The following PRKAG2 variants were observed in gnomAD, a reference collection of about 807,000 sequenced individuals.
PRKAG2 encodes protein kinase AMP-activated non-catalytic subunit gamma 2.
In PRKAG2, 26 loss-of-function variants were observed where a neutral mutation model predicts 69.6. The ratio of observed to expected loss-of-function variants is 0.37; its 90% CI spans 0.27 to 0.52. The LOEUF is 0.52. Ranked by LOEUF, PRKAG2 falls within the 20% of genes least tolerant of loss-of-function variation. PRKAG2 has a pLI of 0.90. For missense variants in PRKAG2, 557 were observed against 740.0 expected (o/e 0.75, Z 2.87); for synonymous variants, 293 against 285.0 (o/e 1.03, Z -0.28).
chr7:151,776,093 T>C (rs4725431), intron 3 of PRKAG2, among the ~76,000 whole-genome samples: 29,204 of 152,140 alleles, frequency 0.19, 2,906 homozygotes, highest in Admixed American at 0.25. Context: ...TTATCAGCCA[T>C]AGGGCTCGGG....
chr7:151,643,784 T>C (rs895508450), intron 4 of PRKAG2, among the ~76,000 whole-genome samples: 46 of 152,256 alleles, frequency 3.0e-4, no homozygotes, highest in African/African-American at 1.0e-3. Flanking sequence ...TGATTTGTAG[T>C]GTCCCTTTTT....
intron 3 of PRKAG2, among the ~76,000 whole-genome samples, chr7:151,734,912 T>G (rs1014585912): frequency 1.4e-5 from 2 of 139,880 alleles, no homozygotes; most frequent in African/African-American, 5.5e-5. Context: ...TGAAGTGCAG[T>G]GGTGTGACCT....
chr7:151,654,117 CA>C (rs1407026973), intron 4 of PRKAG2, among the ~76,000 whole-genome samples: 11 of 152,110 alleles, frequency 7.2e-5, no homozygotes, highest in African/African-American at 2.7e-4. Flanking sequence ...TGTTTTTGGA[CA>C]GACAAACCCA....
At chr7:151,865,549 G>A (rs1445572505) in intron 1 of PRKAG2, among the ~76,000 whole-genome samples, 2 of 152,220 alleles carry the variant, frequency 1.3e-5, no homozygotes, top group African/African-American at 4.8e-5. Context: ...CCTGTGCCTG[G>A]CACACAACAG....
Position 151,876,779 on chromosome 7 carries a change from G to C in PRKAG2, c.-159C>G. On this transcript the variant is annotated 5_prime_UTR_variant, in exon 1 of 16. Transcript: ENST00000287878. ...GAGAGGGAGGGTGAGCAGGGAACTC[G>C]CGCGGCCGCCGCCGCCGCCGAAGCG... 1.3e-6 allele frequency: 1 copy of C among 743,512 alleles called. No individual in the cohort carries two copies. Among genetic ancestry groups the C allele is most frequent in the Non-Finnish European group, 2.3e-6 (1 of 441,148 alleles). 46.1% of individuals were successfully genotyped at this position (743,512 alleles called of 1,614,324 possible). A position where few individuals can be genotyped will look rare whatever the true frequency, so the allele number is the denominator to read the frequency against.
At chr7:151,579,354 T>G (rs754619135) in intron 6 of PRKAG2, among the ~76,000 whole-genome samples, 12 of 152,250 alleles carry the variant, frequency 7.9e-5, no homozygotes, top group Non-Finnish European at 1.3e-4. Context: ...AATTGCTTAC[T>G]GTTTTCTTCA....
intron 1 of PRKAG2, among the ~76,000 whole-genome samples, chr7:151,870,818 G>A (rs961767592): frequency 2.6e-5 from 4 of 152,376 alleles, no homozygotes; most frequent in African/African-American, 7.2e-5. Flanking sequence ...GGGAGGCACC[G>A]CTGGCAACAG....
chr7:151,609,723 CTT>C lies in PRKAG2; in HGVS notation c.755-14271_755-14270del, dbSNP rs375527390. On this transcript the variant is annotated intron_variant, in intron 5 of 15. Coordinates refer to ENST00000287878, the MANE Select transcript of PRKAG2 (RefSeq NM_016203.4). Reference sequence around the variant, plus strand: ...CTTCTTTTGGTCCAGTCCTGGAACTCTTGTTTAGTCTAGAAGGAGGATTGTCC... The same window carrying C: ...CTTCTTTTGGTCCAGTCCTGGAACTCGTTTAGTCTAGAAGGAGGATTGTCC... 1.4e-4 allele frequency among the ~76,000 whole-genome samples: 22 copies of C among 152,194 alleles called. No individual in the cohort carries two copies. In the East Asian group the frequency reaches 4.2e-3, roughly 29 times the overall value.
intron 1 of PRKAG2, among the ~76,000 whole-genome samples, chr7:151,868,390 C>T (rs1411593314): frequency 6.6e-6 from 1 of 152,172 alleles, no homozygotes; most frequent in Non-Finnish European, 1.5e-5. Context: ...ACAGTGGGGG[C>T]TTCTAAGAAC....
At chr7:151,589,271 A>G (rs1436269237) in intron 6 of PRKAG2, among the ~76,000 whole-genome samples, 1 of 152,102 alleles carries the variant, frequency 6.6e-6, no homozygotes, top group Non-Finnish European at 1.5e-5. Context: ...GAGCTTCCTC[A>G]AGCCCCAACT....
At chr7:151,559,523 G>C (rs1201738537) in intron 15 of PRKAG2, 1 of 982,106 alleles carries the variant, frequency 1.0e-6, no homozygotes, top group Non-Finnish European at 1.2e-6. Context: ...GATGATGCCT[G>C]GCCTGAGGAC....
intron 5 of PRKAG2, among the ~76,000 whole-genome samples, chr7:151,608,642 T>C (rs1202933513): frequency 2.0e-5 from 3 of 152,140 alleles, no homozygotes; most frequent in Non-Finnish European, 4.4e-5. Context: ...GATGACTATA[T>C]TGTGTTCCTG....
intron 3 of PRKAG2, among the ~76,000 whole-genome samples, chr7:151,773,023 A>AGAGAGAG (rs1436077847): frequency 9.1e-5 from 5 of 55,056 alleles, no homozygotes; most frequent in African/African-American, 3.9e-4. Context: ...GAAAGAAAGA[A>AGAGAGAG]AGAGAGAGAG....
intron 3 of PRKAG2, among the ~76,000 whole-genome samples, chr7:151,740,366 A>C (rs2073793822): frequency 6.6e-6 from 1 of 152,234 alleles, no homozygotes; most frequent in Non-Finnish European, 1.5e-5. Context: ...GTCTTGGGTC[A>C]GGGACCCTCT....
At chr7:151,648,794 G>C (rs1827971734) in intron 4 of PRKAG2, among the ~76,000 whole-genome samples, 1 of 152,142 alleles carries the variant, frequency 6.6e-6, no homozygotes, top group Admixed American at 6.5e-5. Context: ...GGTGAGGCAG[G>C]AGGATGGCTG....
At chr7:151,603,547 TCCGTCCTCACCGCACACGGAGGGACACGC>T (rs2151179070) in intron 5 of PRKAG2, among the ~76,000 whole-genome samples, 1 of 120,898 alleles carries the variant, frequency 8.3e-6, no homozygotes, top group South Asian at 3.0e-4. Context: ...AGGCACCCGC[TCCGTCCTCACCGCACACGGAGGGACACGC>T]TCCGTCCTCA....
chr7:151,587,069 G>A (rs1174757363), intron 6 of PRKAG2, among the ~76,000 whole-genome samples: 1 of 152,164 alleles, frequency 6.6e-6, no homozygotes, highest in African/African-American at 2.4e-5. Flanking sequence ...GCTGAGGTGG[G>A]AGAATCGCTT....
chr7:151,818,688 C>T (rs896666105), intron 1 of PRKAG2, among the ~76,000 whole-genome samples: 2 of 152,244 alleles, frequency 1.3e-5, no homozygotes, highest in African/African-American at 4.8e-5. Flanking sequence ...GAGGCCAGGG[C>T]AGCTGAAAGA....
chr7:151,609,825 G>A (rs1030900101), intron 5 of PRKAG2, among the ~76,000 whole-genome samples: 2 of 152,224 alleles, frequency 1.3e-5, no homozygotes, highest in African/African-American at 2.4e-5. Flanking sequence ...TCTAACGTGA[G>A]AAGAAAAGAA....
Sources: allele counts gnomAD v4.1 joint callset (sites outside exome capture counted in the v4.1 genomes callset), GRCh38; gene constraint gnomAD v4.1.1; transcripts MANE v1.5; gene names NCBI Gene and HGNC (gene_info 2026-07-23, HGNC 2026-07-21).